Variants in LIN52 observed in about 807,000 individuals in gnomAD.
LIN52 encodes lin-52 DREAM MuvB core complex component, also known as protein lin-52 homolog.
Under a neutral mutation model 18.5 loss-of-function variants are expected in LIN52, and 4 were observed. That is an observed-to-expected ratio of 0.22 (90% CI 0.11 to 0.49). The LOEUF (loss-of-function observed/expected upper bound fraction) is 0.49. Among genes scored for constraint, LIN52 ranks in the 20% least tolerant of loss-of-function variants. The pLI is 0.97. For synonymous variants in LIN52, 34 were observed against 45.5 expected, an observed-to-expected ratio of 0.75 and a Z score of 1.02; for missense variants, 102 against 139.5, an observed-to-expected ratio of 0.73 and a Z score of 1.35.
chr14:74,150,218 G>A (rs998969394), intron 5 of LIN52, among the ~76,000 whole-genome samples: 17 of 152,136 alleles, frequency 1.1e-4, no homozygotes, highest in African/African-American at 3.9e-4. Flanking sequence ...ATACAAAAAT[G>A]TTTGGAGCAG....
At chr14:74,183,263 A>C (rs1200267578) in intron 5 of LIN52, among the ~76,000 whole-genome samples, 2 of 151,920 alleles carry the variant, frequency 1.3e-5, no homozygotes, top group African/African-American at 4.8e-5. Flanking sequence ...ACGCCCGGCT[A>C]ATTTTTTTTG....
intron 5 of LIN52, among the ~76,000 whole-genome samples, chr14:74,169,271 G>A (rs2061261613): frequency 1.3e-5 from 2 of 152,054 alleles, no homozygotes; most frequent in Admixed American, 6.6e-5. Context: ...GTAATATCTA[G>A]ACTATCTTGA....
chr14:74,162,898 G>A (rs886579128), intron 5 of LIN52, among the ~76,000 whole-genome samples: 1 of 152,110 alleles, frequency 6.6e-6, no homozygotes, highest in Non-Finnish European at 1.5e-5. Context: ...TAAGGCCCTT[G>A]TAGTGAACTC....
At chr14:74,188,194 A>T (rs1024723794) in intron 5 of LIN52, among the ~76,000 whole-genome samples, 7 of 152,154 alleles carry the variant, frequency 4.6e-5, no homozygotes, top group African/African-American at 1.7e-4. Flanking sequence ...TTTACAAACA[A>T]GGCCACCCCT....
chr14:74,094,261 T>TG (rs2060792992), intron 2 of LIN52, among the ~76,000 whole-genome samples: 2 of 151,678 alleles, frequency 1.3e-5, no homozygotes, highest in Admixed American at 6.6e-5. Context: ...CTTTGTAGTT[T>TG]TTTTTTTTTT....
chr14:74,151,359 T>C (rs2061176184), intron 5 of LIN52, among the ~76,000 whole-genome samples: 1 of 152,224 alleles, frequency 6.6e-6, no homozygotes, highest in Non-Finnish European at 1.5e-5. Flanking sequence ...GTGGGAATTA[T>C]TGGATAGAAC....
In LIN52 at chr14:74,099,699, G is replaced by T. The variant is rs573627647; in HGVS notation, c.200-1456G>T. On this transcript the variant is annotated intron_variant, in intron 4 of 5. Transcript: ENST00000555028. The stretch of plus-strand genomic sequence containing the variant: ...GTTTTTAAGGATAATTTGGTGGGTT[G>T]GGGGGACAGTGAGTTGCTAGTGCTG... Among the ~76,000 whole-genome samples the T allele has an allele frequency of 2.0e-5, 3 of 152,054 alleles. No homozygotes were observed. In the South Asian group the frequency reaches 6.2e-4, roughly 32 times the overall value.
chr14:74,154,566 C>A (rs1463789392), intron 5 of LIN52, among the ~76,000 whole-genome samples: 1 of 152,088 alleles, frequency 6.6e-6, no homozygotes, highest in African/African-American at 2.4e-5. Context: ...TGCTCATATC[C>A]CTGAAACAGT....
In LIN52 at chr14:74,184,564, C is replaced by T. The variant is rs570117606; in HGVS notation, c.284-14358C>T. Among the ~76,000 whole-genome samples the T allele has an allele frequency of 1.4e-4, 22 of 152,238 alleles. No homozygotes were observed. In the South Asian group the frequency reaches 4.3e-3, roughly 30 times the overall value. On this transcript the variant is annotated intron_variant, in intron 5 of 5. Transcript: ENST00000555028. ...AAGACTGACATGACATCTGTCTGTTCCAGTTTGAGTGAAGATCAGTGGCTT... is the reference window on the plus strand; with the variant it reads ...AAGACTGACATGACATCTGTCTGTTTCAGTTTGAGTGAAGATCAGTGGCTT...
At chr14:74,119,746 TA>T in intron 5 of LIN52, among the ~76,000 whole-genome samples, 1 of 152,328 alleles carries the variant, frequency 6.6e-6, no homozygotes, top group Non-Finnish European at 1.5e-5. Flanking sequence ...TTTGTATGTT[TA>T]TTGGCCATTT....
rs1282544652 is a variant in LIN52, at chr14:74,198,874, T to G, written c.284-48T>G. 6.6e-6 allele frequency: 9 copies of G among 1,356,666 alleles called. No homozygotes were observed. In the East Asian group the frequency reaches 2.1e-4, roughly 31 times the overall value. The allele number at this position is 1,356,666 out of a possible 1,614,324, so 84.0% of individuals were successfully genotyped here. ...AATTAAATCTTCCTATGATTCTTTTTTCCGATTTTAGGTTTTCATTGATCA... is the reference window on the plus strand; with the variant it reads ...AATTAAATCTTCCTATGATTCTTTTGTCCGATTTTAGGTTTTCATTGATCA... On this transcript the variant is annotated intron_variant, in intron 5 of 5. Coordinates refer to ENST00000555028, the MANE Select transcript of LIN52 (RefSeq NM_001024674.3).
chr14:74,155,263 T>C, intron 5 of LIN52, among the ~76,000 whole-genome samples: 1 of 152,170 alleles, frequency 6.6e-6, no homozygotes, highest in Admixed American at 6.5e-5. Flanking sequence ...ATAAATAAAT[T>C]AGGAATTCAG....
At chr14:74,097,630 T>A (rs965926555) in intron 3 of LIN52, among the ~76,000 whole-genome samples, 164 bp from the exon 4 acceptor site, 1 of 152,042 alleles carries the variant, frequency 6.6e-6, no homozygotes, top group East Asian at 1.9e-4. Flanking sequence ...GAGATGGGGT[T>A]TCCCCATGTT....
At chr14:74,181,544 A>C (rs2061318668) in intron 5 of LIN52, among the ~76,000 whole-genome samples, 1 of 152,154 alleles carries the variant, frequency 6.6e-6, no homozygotes, top group African/African-American at 2.4e-5. Context: ...ATTTATTTTA[A>C]GATCCTAAAT....
chr14:74,091,134 TC>T, intron 1 of LIN52, 97 bp from the exon 2 acceptor site: 1 of 766,916 alleles, frequency 1.3e-6, no homozygotes, highest in Non-Finnish European at 2.2e-6. Flanking sequence ...TCTCTAGACT[TC>T]CAGGTGAGTG....
rs115813297 is a variant in LIN52, at chr14:74,187,238, G to T, written c.284-11684G>T. Among the ~76,000 whole-genome samples, 1,505 of 152,236 alleles carry T rather than the reference G, an allele frequency of 9.9e-3. 27 individuals are homozygous for T. Among genetic ancestry groups the T allele is most frequent in the African/African-American group, 0.034 (1,410 of 41,526 alleles). ...TGTGGTCTTAAAGTTTGGAAATGGG[G>T]GCTGGGGTTTGAATATGTCTAATTC... On this transcript the variant is annotated intron_variant, in intron 5 of 5. Transcript: ENST00000555028.
intron 1 of LIN52, chr14:74,085,374 T>C (rs765795356): frequency 2.8e-5 from 5 of 179,546 alleles, no homozygotes; most frequent in Non-Finnish European, 5.8e-5. Context: ...AAAGGATCAG[T>C]TCTCTTCTGA....
intron 5 of LIN52, among the ~76,000 whole-genome samples, chr14:74,125,540 C>A (rs911793798): frequency 6.6e-6 from 1 of 151,998 alleles, no homozygotes; most frequent in Non-Finnish European, 1.5e-5. Flanking sequence ...GAGTAGATTG[C>A]AAAAATTTTC....
chr14:74,137,476 C>T (rs1483591761), intron 5 of LIN52, among the ~76,000 whole-genome samples: 2 of 147,550 alleles, frequency 1.4e-5, no homozygotes, highest in Non-Finnish European at 3.0e-5. Context: ...ACATTGAGCA[C>T]TAAATTCTTC....
Sources: gnomAD v4.1 joint callset for allele counts (sites outside exome capture counted in the v4.1 genomes callset) on GRCh38, gnomAD v4.1.1 for gene constraint, MANE v1.5 for transcripts, NCBI Gene and HGNC (gene_info 2026-07-23, HGNC 2026-07-21) for gene names.